MEP1A: variants seen among roughly 807,000 people sequenced by gnomAD.
MEP1A encodes N-benzoyl-L-tyrosyl-P-amino-benzoic acid hydrolase subunit alpha.
MEP1A carries 68 observed loss-of-function variants against 84.5 expected under a neutral mutation model. The ratio of observed to expected loss-of-function variants is 0.80; its 90% CI spans 0.66 to 0.98. The LOEUF (loss-of-function observed/expected upper bound fraction) is 0.98. MEP1A is among the 50% of genes least tolerant of loss of function. The pLI is 0.00. For synonymous variants in MEP1A, 337 were observed against 336.8 expected (o/e 1.00, Z -0.01); for missense variants, 887 against 919.9 (o/e 0.96, Z 0.46).
At position 46,796,199 on chromosome 6, in the gene MEP1A, G is replaced by A. The variant is rs143431448; in HGVS notation, c.146-2407G>A. Among the ~76,000 whole-genome samples, 318 of 152,264 alleles carry A rather than the reference G, an allele frequency of 2.1e-3. 3 individuals are homozygous for A. The highest frequency in any genetic ancestry group is 6.5e-3 in the African/African-American group (268 of 41,538). On this transcript the variant is annotated intron_variant, in intron 3 of 13. Coordinates refer to ENST00000230588, the MANE Select transcript of MEP1A (RefSeq NM_005588.3). The stretch of plus-strand genomic sequence containing the variant: ...AGACTTAATGGACCAGAAATCCAAC[G>A]GTGGGGGCTCATCAACGGGTGTTGA...
chr6:46,833,729 C>T (rs1768133621), intron 11 of MEP1A, among the ~76,000 whole-genome samples, 191 bp downstream of exon 11: 1 of 152,150 alleles, frequency 6.6e-6, no homozygotes, highest in Non-Finnish European at 1.5e-5. Flanking sequence ...CCTAAATTCA[C>T]TCATCAAACA....
intron 11 of MEP1A, 47 bp from the exon 12 acceptor site, chr6:46,834,531 G>A (rs762663462): frequency 4.8e-6 from 6 of 1,256,058 alleles, no homozygotes; most frequent in Non-Finnish European, 6.6e-6. Context: ...ACTGGAAAGT[G>A]AAGTCTAAAG....
At chr6:46,828,419 T>C (rs1027019616) in intron 9 of MEP1A, among the ~76,000 whole-genome samples, 5 of 152,152 alleles carry the variant, frequency 3.3e-5, no homozygotes, top group Admixed American at 1.3e-4. Context: ...GCTGCTGATA[T>C]GAAAGGCACG....
intron 11 of MEP1A, among the ~76,000 whole-genome samples, chr6:46,833,950 C>T (rs1388730590): frequency 6.6e-6 from 1 of 151,782 alleles, no homozygotes; most frequent in Non-Finnish European, 1.5e-5. Context: ...ATGAAGTAAA[C>T]TTACATCAGT....
chr6:46,831,958 A>G (rs1049189261), intron 10 of MEP1A, among the ~76,000 whole-genome samples: 6 of 152,100 alleles, frequency 3.9e-5, no homozygotes, highest in African/African-American at 1.4e-4. Context: ...ATGTAACCTA[A>G]CCACACAGGC....
intron 5 of MEP1A, among the ~76,000 whole-genome samples, chr6:46,807,563 A>AGAAG (rs1767365426): frequency 2.5e-4 from 17 of 67,344 alleles, no homozygotes; most frequent in African/African-American, 1.3e-3. Flanking sequence ...AAAGAAAGAA[A>AGAAG]GAAAGGAAGG....
intron 10 of MEP1A, among the ~76,000 whole-genome samples, chr6:46,830,437 T>C (rs1562116505): frequency 2.0e-5 from 3 of 152,098 alleles, no homozygotes; most frequent in Non-Finnish European, 4.4e-5. Flanking sequence ...AAGTGTCACT[T>C]TGTATATTTA....
intron 9 of MEP1A, among the ~76,000 whole-genome samples, chr6:46,828,948 A>T (rs1333583110): frequency 3.9e-5 from 6 of 152,206 alleles, no homozygotes. Flanking sequence ...AAATCTTTGA[A>T]TTCCAGTGTC....
In MEP1A at chr6:46,824,824, G is replaced by C. The variant is rs1432009755; in HGVS notation, c.557-448G>C. Among the ~76,000 whole-genome samples, 9 of 105,190 alleles carry C rather than the reference G, an allele frequency of 8.6e-5. 2 individuals carry two copies. The highest frequency in any genetic ancestry group is 2.1e-4 in the Admixed American group (2 of 9,332). The allele number at this position is 105,190 out of a possible 152,430, so 69.0% of individuals were successfully genotyped here. A position where few individuals can be genotyped will look rare whatever the true frequency, so the allele number is the denominator to read the frequency against. ...ATATAAATGATGTATTTAATTAGAT[G>C]TATTTAAATATATATAAATTATATA... On this transcript the variant is annotated intron_variant, in intron 7 of 13. Coordinates refer to ENST00000230588, the MANE Select transcript of MEP1A (RefSeq NM_005588.3).
chr6:46,831,768 G>C (rs1298173633), intron 10 of MEP1A, among the ~76,000 whole-genome samples: 1 of 152,182 alleles, frequency 6.6e-6, no homozygotes, highest in Non-Finnish European at 1.5e-5. Flanking sequence ...CTATATCTCT[G>C]TTCCTATTCC....
rs1768292710 is a variant in MEP1A at position 46,839,482 on chromosome 6, C to T, written c.*346C>T. The T allele has an allele frequency of 1.2e-5, 2 of 172,908 alleles. No homozygotes were observed. Among genetic ancestry groups the T allele is most frequent in the Non-Finnish European group, 2.4e-5 (2 of 82,114 alleles). The allele number at this position is 172,908 out of a possible 1,614,324, so 10.7% of individuals were successfully genotyped here. Reference sequence around the variant, plus strand: ...CCCCAGTGCCTAGATGCATGGCTGGCACATTGTTGGCACTCAACAATGGTT... The same window carrying T: ...CCCCAGTGCCTAGATGCATGGCTGGTACATTGTTGGCACTCAACAATGGTT... On this transcript the variant is annotated 3_prime_UTR_variant, in exon 14 of 14. Coordinates refer to ENST00000230588, the MANE Select transcript of MEP1A (RefSeq NM_005588.3).
intron 5 of MEP1A, among the ~76,000 whole-genome samples, chr6:46,799,606 A>G (rs1323118908): frequency 1.3e-5 from 2 of 152,126 alleles, no homozygotes; most frequent in Non-Finnish European, 2.9e-5. Context: ...AGGAAAGTCC[A>G]TATTTCACAT....
intron 6 of MEP1A, among the ~76,000 whole-genome samples, chr6:46,811,155 T>G (rs144905038): frequency 6.6e-6 from 1 of 152,286 alleles, no homozygotes; most frequent in African/African-American, 2.4e-5. Context: ...CAGCAGTGTT[T>G]TGTAGTTTTC....
Position 46,839,297 on chromosome 6 carries a change from A to G in MEP1A, c.*161A>G, listed in dbSNP as rs1768286298. ...GACCCTTGTCATCTCTCTGCCCCACATAATTCTGTTACTTTGCTATGTGCT... is the reference window on the plus strand; with the variant it reads ...GACCCTTGTCATCTCTCTGCCCCACGTAATTCTGTTACTTTGCTATGTGCT... On this transcript the variant is annotated 3_prime_UTR_variant, in exon 14 of 14. Transcript: ENST00000230588. The G allele has an allele frequency of 1.8e-6, 1 of 570,460 alleles. No homozygotes were observed. The highest frequency in any genetic ancestry group is 1.9e-5 in the African/African-American group (1 of 53,222). The allele number at this position is 570,460 out of a possible 1,614,324, so 35.3% of individuals were successfully genotyped here.
At chr6:46,843,123 T>C (rs1376877955), downstream of MEP1A, among the ~76,000 whole-genome samples, 1 of 152,198 alleles carries the variant, frequency 6.6e-6, no homozygotes, top group African/African-American at 2.4e-5. Flanking sequence ...GCCCTGGTAA[T>C]ATTTTGAGGT....
rs201590041 is a variant in MEP1A at position 46,793,746 on chromosome 6, T to C, written c.145+30T>C. On this transcript the variant is annotated intron_variant, in intron 3 of 13. Transcript: ENST00000230588. ...GTTCAATTTTTGTGTTATTAAAGTC[T>C]TGAAATTACTTGAAACCCAGTGGTG... 1.8e-5 allele frequency: 26 copies of C among 1,484,374 alleles called. No homozygotes were observed. The African/African-American group carries it at 2.6e-4, about 15-fold the overall frequency. The allele number at this position is 1,484,374 out of a possible 1,614,324, so 92.0% of individuals were successfully genotyped here.
chr6:46,826,830 G>C (rs1247120677), intron 9 of MEP1A, among the ~76,000 whole-genome samples: 1 of 152,162 alleles, frequency 6.6e-6, no homozygotes, highest in African/African-American at 2.4e-5. Flanking sequence ...GAATTTTCTA[G>C]TGTCCACATG....
At position 46,833,349 on chromosome 6, in the gene MEP1A, A is replaced by G; in HGVS notation, c.1420A>G (p.Asn474Asp). ...GYGFGVTLYP[N>D]SRESSGYLRL... is the part of the protein sequence containing the mutation. Reference sequence around the variant, plus strand: ...TGGTTTTGGGGTAACTTTATACCCAAATAGCAGAGAAAGCTCTGGTTACTT... The same window carrying G: ...TGGTTTTGGGGTAACTTTATACCCAGATAGCAGAGAAAGCTCTGGTTACTT... The change falls in exon 11 of 14, where the codon AAT becomes GAT. Residue 474 changes from asparagine to aspartate, a missense_variant. By Grantham distance (23) the Asn-to-Asp change is conservative. Coordinates refer to ENST00000230588, the MANE Select transcript of MEP1A (RefSeq NM_005588.3). 1 of 1,614,226 alleles carries G rather than the reference A, an allele frequency of 6.2e-7. No individual in the cohort carries two copies. The highest frequency in any genetic ancestry group is 8.5e-7 in the Non-Finnish European group (1 of 1,180,040).
chr6:46,818,542 G>A (rs747925487), intron 6 of MEP1A, among the ~76,000 whole-genome samples: 2 of 152,200 alleles, frequency 1.3e-5, no homozygotes, highest in Non-Finnish European at 2.9e-5. Context: ...TTGGGTTTAT[G>A]AGAAGAGAAA....
Sources: allele counts gnomAD v4.1 joint callset (sites outside exome capture counted in the v4.1 genomes callset), GRCh38; gene constraint gnomAD v4.1.1; transcripts MANE v1.5; gene names NCBI Gene and HGNC (gene_info 2026-07-23, HGNC 2026-07-21).